Variants in BAG1 observed in about 807,000 individuals in gnomAD.
The protein encoded by BAG1 is BAG family molecular chaperone regulator 1.
In BAG1, 35 loss-of-function variants were observed where a neutral mutation model predicts 35.5. The observed-to-expected ratio is 0.99, with a 90% confidence interval of 0.75 to 1.31. BAG1 has a LOEUF of 1.31. BAG1 is among the 50% of genes most tolerant of loss of function. The pLI, the probability that BAG1 is intolerant of heterozygous loss-of-function variation, is 0.00. For synonymous variants in BAG1, 191 were observed against 178.9 expected (o/e 1.07, Z -0.54); for missense variants, 464 against 453.6 (o/e 1.02, Z -0.21).
intron 4 of BAG1, 73 bp downstream of exon 4, chr9:33,258,847 T>A (rs537734897): frequency 2.1e-5 from 26 of 1,264,482 alleles, no homozygotes; most frequent in Non-Finnish European, 2.9e-5. Flanking sequence ...GCAGAACATG[T>A]CCCCATAACC....
At chr9:33,262,367 T>C (rs1246515309) in intron 2 of BAG1, 19 of 1,168,408 alleles carry the variant, frequency 1.6e-5, no homozygotes, top group Non-Finnish European at 1.8e-5. Flanking sequence ...AAAGAAATGC[T>C]TACCCTTGGC....
chr9:33,263,968 C>T (rs903725389), intron 1 of BAG1, among the ~76,000 whole-genome samples: 5 of 152,164 alleles, frequency 3.3e-5, no homozygotes, highest in African/African-American at 4.8e-5. Context: ...ACCAGGCCCA[C>T]GACGTAAAGC....
intron 3 of BAG1, among the ~76,000 whole-genome samples, chr9:33,260,867 G>A (rs1207876531): frequency 2.0e-5 from 3 of 152,188 alleles, no homozygotes; most frequent in African/African-American, 7.2e-5. Flanking sequence ...CAGCACAACC[G>A]CTCCTAATTC....
intron 3 of BAG1, among the ~76,000 whole-genome samples, chr9:33,260,651 T>C (rs533334602): frequency 5.6e-4 from 85 of 152,358 alleles, no homozygotes; most frequent in Non-Finnish European, 1.0e-3. Context: ...AGTCGAAGGT[T>C]TTCCCTTGTG....
chr9:33,255,220 C>G lies in BAG1; in HGVS notation c.1037G>C (p.Ter346SerextTer26). 1 of 1,614,226 alleles carries G rather than the reference C, an allele frequency of 6.2e-7. No homozygotes were observed. Among genetic ancestry groups the G allele is most frequent in the South Asian group, 1.1e-5 (1 of 91,086 alleles). Residue 346 changes from the stop codon to serine (S), a stop_lost, in exon 7 of 7, where the codon TGA becomes TCA. Coordinates refer to ENST00000634734, the MANE Select transcript of BAG1 (RefSeq NM_004323.6). The stretch of plus-strand genomic sequence containing the variant: ...AGCACAGCCTTTTTCTGCTACACCT[C>G]ACTCGGCCAGGGCAAAGTTTGTAGA...
In BAG1 at chr9:33,253,816, A is replaced by G. The variant is rs1820388146; in HGVS notation, c.*1403T>C. ...TCTACTTTATGATGAGCACATAAAC[A>G]GTTTTTTTTTCTTTTTATTTATCTA... On this transcript the variant is annotated 3_prime_UTR_variant, in exon 7 of 7. Coordinates refer to ENST00000634734, the MANE Select transcript of BAG1 (RefSeq NM_004323.6). 6.6e-6 allele frequency: 1 copy of G among 151,488 alleles called. No individual in the cohort carries two copies. The highest frequency in any genetic ancestry group is 1.5e-5 in the Non-Finnish European group (1 of 67,942). The allele number at this position is 151,488 out of a possible 1,614,324, so 9.4% of individuals were successfully genotyped here.
chr9:33,258,340 C>T (rs566655328), intron 4 of BAG1, among the ~76,000 whole-genome samples: 34 of 148,190 alleles, frequency 2.3e-4, no homozygotes, highest in South Asian at 1.3e-3. Flanking sequence ...CACAAACACA[C>T]CCCAATTAAT....
At chr9:33,259,061 C>A in intron 3 of BAG1, 28 bp from the exon 4 acceptor site, 2 of 1,590,378 alleles carry the variant, frequency 1.3e-6, no homozygotes, top group Non-Finnish European at 1.7e-6. Context: ...AAAATAAAGC[C>A]AATAGTCAAA....
At chr9:33,256,002 A>AT in intron 5 of BAG1, 75 bp from the exon 6 acceptor site, 1 of 1,373,928 alleles carries the variant, frequency 7.3e-7, no homozygotes, top group Non-Finnish European at 1.0e-6. Context: ...TGAAAATGAC[A>AT]TGAGAGCACA....
chr9:33,262,328 CTG>C, intron 2 of BAG1: 1 of 1,223,682 alleles, frequency 8.2e-7, no homozygotes, highest in East Asian at 5.8e-5. Context: ...AGTTTTAAAA[CTG>C]TCCTTTGGCC....
In BAG1 at chr9:33,264,660, C is replaced by T. The variant is rs576413756; in HGVS notation, c.15G>A (p.Gly5=). ...GGTCGCCTCGCGGTCTCCGCGCCCCCCCGCGCTGAGCCAGGCCCGCACTTG... is the reference window on the plus strand; with the variant it reads ...GGTCGCCTCGCGGTCTCCGCGCCCCTCCGCGCTGAGCCAGGCCCGCACTTG... The change falls in exon 1 of 7, where the codon GGG becomes GGA. Residue 5 remains glycine (G), a synonymous_variant. Coordinates refer to ENST00000634734, the MANE Select transcript of BAG1 (RefSeq NM_004323.6). 6 of 1,347,714 alleles carry T rather than the reference C, an allele frequency of 4.5e-6. No individual in the cohort carries two copies. The highest frequency in any genetic ancestry group is 6.1e-5 in the East Asian group (2 of 32,792). 83.5% of individuals were successfully genotyped at this position (1,347,714 alleles called of 1,614,324 possible). A position where few individuals can be genotyped will look rare whatever the true frequency, so the allele number is the denominator to read the frequency against.
Position 33,255,887 on chromosome 9 carries a change from T to C in BAG1, c.926A>G (p.Lys309Arg). Residue 309 changes from lysine (K) to arginine (R), a missense_variant, in exon 6 of 7, where the codon AAA becomes AGA. Physicochemically the swap from Lys to Arg is conservative, Grantham distance 26. Coordinates refer to ENST00000634734, the MANE Select transcript of BAG1 (RefSeq NM_004323.6). ...CACCTGAACCTTTTTTACCAAGCCT[T>C]TCCTTTTCAATCTACTGTCTTTGAA... The C allele has an allele frequency of 6.2e-7, 1 of 1,614,082 alleles. No individual in the cohort carries two copies. Among genetic ancestry groups the C allele is most frequent in the South Asian group, 1.1e-5 (1 of 91,084 alleles).
chr9:33,263,172 G>A (rs1022943430), intron 1 of BAG1, among the ~76,000 whole-genome samples: 2 of 152,230 alleles, frequency 1.3e-5, no homozygotes, highest in Non-Finnish European at 2.9e-5. Flanking sequence ...GTTAAGGACT[G>A]CCTATGGAGA....
At chr9:33,263,886 C>T (rs921314693) in intron 1 of BAG1, among the ~76,000 whole-genome samples, 1 of 151,756 alleles carries the variant, frequency 6.6e-6, no homozygotes, top group Non-Finnish European at 1.5e-5. Context: ...ACACACGGAG[C>T]AGTCGTAGAC....
In BAG1 at chr9:33,254,757, A is replaced by G; in HGVS notation, c.*462T>C. 2 of 321,682 alleles carry G rather than the reference A, an allele frequency of 6.2e-6. No individual in the cohort carries two copies. Among genetic ancestry groups the G allele is most frequent in the South Asian group, 5.3e-5 (2 of 38,076 alleles). 19.9% of individuals were successfully genotyped at this position (321,682 alleles called of 1,614,324 possible). A position where few individuals can be genotyped will look rare whatever the true frequency, so the allele number is the denominator to read the frequency against. ...ACTTATGTGCCAAACACCTTGTTCTAGGCCATTCCCAATATTCCTGACTAG... is the reference window on the plus strand; with the variant it reads ...ACTTATGTGCCAAACACCTTGTTCTGGGCCATTCCCAATATTCCTGACTAG... On this transcript the variant is annotated 3_prime_UTR_variant, in exon 7 of 7. Transcript: ENST00000634734.
chr9:33,264,591 C>G lies in BAG1; in HGVS notation c.84G>C (p.Arg28=). 7.2e-7 allele frequency: 1 copy of G among 1,391,078 alleles called. No homozygotes were observed. Among genetic ancestry groups the G allele is most frequent in the South Asian group, 1.6e-5 (1 of 61,386 alleles). The allele number at this position is 1,391,078 out of a possible 1,614,324, so 86.2% of individuals were successfully genotyped here. A position where few individuals can be genotyped will look rare whatever the true frequency, so the allele number is the denominator to read the frequency against. ...CCGGGGGCTCCGACTGGCGCGGCTC[C>G]CGGCCTGGCCGAAGGGCGCGCAGCC... Residue 28 remains arginine, a synonymous_variant, in exon 1 of 7, where the codon CGG becomes CGC. Transcript: ENST00000634734.
In BAG1 at chr9:33,256,913, G is replaced by A. The variant is rs374125409; in HGVS notation, c.778-5C>T. 36 of 1,611,298 alleles carry A rather than the reference G, an allele frequency of 2.2e-5. No homozygotes were observed. Among genetic ancestry groups the A allele is most frequent in the Middle Eastern group, 3.3e-4 (2 of 6,070 alleles). Reference sequence around the variant, plus strand: ...CAAATCCTTGGGCAGAAAACCCTGCGGGGAAATAATGCATTATTGCAAGGG... The same window carrying A: ...CAAATCCTTGGGCAGAAAACCCTGCAGGGAAATAATGCATTATTGCAAGGG... On this transcript the variant is annotated splice_region_variant and splice_polypyrimidine_tract_variant and intron_variant, in intron 4 of 6. Coordinates refer to ENST00000634734, the MANE Select transcript of BAG1 (RefSeq NM_004323.6).
chr9:33,255,888 T>C lies in BAG1; in HGVS notation c.925A>G (p.Lys309Glu). The change falls in exon 6 of 7, where the codon AAA becomes GAA. Residue 309 changes from lysine to glutamate, a missense_variant. Transcript: ENST00000634734. ...ACCTGAACCTTTTTTACCAAGCCTTTCCTTTTCAATCTACTGTCTTTGAAA... is the reference window on the plus strand; with the variant it reads ...ACCTGAACCTTTTTTACCAAGCCTTCCCTTTTCAATCTACTGTCTTTGAAA... The C allele has an allele frequency of 1.9e-6, 3 of 1,614,090 alleles. No individual in the cohort carries two copies. The highest frequency in any genetic ancestry group is 2.5e-6 in the Non-Finnish European group (3 of 1,179,914).
intron 1 of BAG1, among the ~76,000 whole-genome samples, chr9:33,263,041 A>G (rs1820611338): frequency 6.6e-6 from 1 of 152,232 alleles, no homozygotes; most frequent in South Asian, 2.1e-4. Context: ...AATATGAATG[A>G]TATCTGCTAA....
Sources: allele counts gnomAD v4.1 joint callset (sites outside exome capture counted in the v4.1 genomes callset), GRCh38; gene constraint gnomAD v4.1.1; transcripts MANE v1.5; gene names NCBI Gene and HGNC (gene_info 2026-07-23, HGNC 2026-07-21).